DST: variants seen among roughly 807,000 people sequenced by gnomAD.
DST encodes bullous pemphigoid antigen.
DST carries 253 observed loss-of-function variants against 875.2 expected under a neutral mutation model. That is an observed-to-expected ratio of 0.29 (90% CI 0.26 to 0.32). The LOEUF (loss-of-function observed/expected upper bound fraction) is 0.32. Ranked by LOEUF, DST falls within the 10% of genes least tolerant of loss-of-function variation. DST has a pLI of 1.00. For synonymous variants in DST, 3,124 were observed against 3,197.1 expected (o/e 0.98, Z 0.77); for missense variants, 8,287 against 9,111.6 (o/e 0.91, Z 3.68).
intron 75 of DST, 131 bp from the exon 76 acceptor site, chr6:56,506,920 T>A: frequency 1.0e-6 from 1 of 980,806 alleles, no homozygotes. Flanking sequence ...TTTCTAAGTT[T>A]CTGCAATAAA....
chr6:56,847,926 C>T (rs1591632001), intron 4 of DST, among the ~76,000 whole-genome samples: 1 of 152,110 alleles, frequency 6.6e-6, no homozygotes, highest in African/African-American at 2.4e-5. Context: ...AATGAGGGCA[C>T]CATACTGCAA....
chr6:56,572,702 T>C, intron 52 of DST, 45 bp downstream of exon 52: 1 of 1,433,698 alleles, frequency 7.0e-7, no homozygotes, highest in Non-Finnish European at 9.4e-7. Context: ...TTGCCCTAAC[T>C]ATTAATCTAT....
intron 4 of DST, among the ~76,000 whole-genome samples, chr6:56,745,749 TAAG>T (rs1212384335): frequency 3.3e-5 from 5 of 152,164 alleles, no homozygotes; most frequent in Non-Finnish European, 5.9e-5. Context: ...TATTAATTAG[TAAG>T]AAGGACAGCT....
intron 2 of DST, among the ~76,000 whole-genome samples, chr6:56,912,777 T>C (rs1799318707): frequency 6.6e-6 from 1 of 152,208 alleles, no homozygotes; most frequent in Non-Finnish European, 1.5e-5. Flanking sequence ...AGGGCCAGGA[T>C]TGTGTGCATG....
intron 4 of DST, among the ~76,000 whole-genome samples, chr6:56,748,447 T>C (rs1242826038): frequency 1.3e-5 from 2 of 152,186 alleles, no homozygotes; most frequent in East Asian, 3.8e-4. Context: ...TAAAACAGAA[T>C]CATAGGTATT....
At chr6:56,661,539 G>C (rs144530715) in intron 10 of DST, among the ~76,000 whole-genome samples, 1 of 151,972 alleles carries the variant, frequency 6.6e-6, no homozygotes, top group South Asian at 2.1e-4. Context: ...AAATCTCTAG[G>C]AGAGTGATAG....
At chr6:56,503,201 A>G (rs1047813811) in intron 78 of DST, among the ~76,000 whole-genome samples, 8 of 152,128 alleles carry the variant, frequency 5.3e-5, no homozygotes, top group Admixed American at 1.3e-4. Flanking sequence ...GAAAGAATGA[A>G]TAAGACCCTG....
intron 49 of DST, among the ~76,000 whole-genome samples, chr6:56,583,478 T>A (rs1429034482): frequency 2.6e-5 from 4 of 152,208 alleles, no homozygotes; most frequent in Admixed American, 1.3e-4. Flanking sequence ...TGGAGTTCAT[T>A]GTAGATTCTG....
intron 10 of DST, among the ~76,000 whole-genome samples, chr6:56,659,220 T>C (rs1050340181): frequency 2.0e-5 from 3 of 152,086 alleles, no homozygotes; most frequent in Non-Finnish European, 4.4e-5. Flanking sequence ...TCAGGAGATA[T>C]TGAGAAAGTC....
chr6:56,668,122 T>C (rs1425167118), intron 10 of DST, among the ~76,000 whole-genome samples: 1 of 152,154 alleles, frequency 6.6e-6, no homozygotes, highest in Non-Finnish European at 1.5e-5. Flanking sequence ...CCCTCAAAGA[T>C]GCACTGTTAC....
intron 43 of DST, 76 bp downstream of exon 43, chr6:56,602,806 T>A: frequency 8.7e-7 from 1 of 1,148,310 alleles, no homozygotes; most frequent in Non-Finnish European, 1.2e-6. Context: ...AGCAAAGTCA[T>A]ATTTTCTAAA....
chr6:56,604,422 T>A lies in DST; in HGVS notation c.10206A>T (p.Ala3402=). ...TTTGAGAGTCGCTGGGCACAGTAGA[T>A]GCCTCATTTACCAACTGTGATGTGG... ...RITTSQLVNE[A]STVPSDSQMS... The change falls in exon 40 of 104, where the codon GCA becomes GCT. Residue 3402 remains alanine, a synonymous_variant. Transcript: ENST00000680361. The A allele has an allele frequency of 6.2e-7, 1 of 1,609,966 alleles. No individual in the cohort carries two copies. Among genetic ancestry groups the A allele is most frequent in the Non-Finnish European group, 8.5e-7 (1 of 1,177,652 alleles).
intron 35 of DST, 67 bp downstream of exon 35, chr6:56,625,090 T>C: frequency 8.7e-7 from 1 of 1,143,614 alleles, no homozygotes; most frequent in Non-Finnish European, 1.3e-6. Context: ...CAACAAAAAA[T>C]AAAATTTAAA....
chr6:56,608,971 G>A lies in DST; in HGVS notation c.5657C>T (p.Ala1886Val), dbSNP rs1293881319. 1.2e-6 allele frequency: 2 copies of A among 1,613,852 alleles called. No individual in the cohort carries two copies. Among genetic ancestry groups the A allele is most frequent in the Non-Finnish European group, 1.7e-6 (2 of 1,179,808 alleles). ...CTGTAGGGTCAACTGTTCTCCTGTG[G>A]CTGGAATAACCAGAGAGCCTGTAGA... ...LLSTGSLVIP[A>V]TGEQLTLQKA... The change falls in exon 40 of 104, where the codon GCC becomes GTC. Residue 1886 changes from alanine (A) to valine (V), a missense_variant. This residue lies in a region of DST where 3,138 missense variants were observed against 3,116.6 expected (regional missense o/e 1.01). Transcript: ENST00000680361.
At chr6:56,720,349 CTT>C (rs386407172) in intron 5 of DST, among the ~76,000 whole-genome samples, 8 of 130,188 alleles carry the variant, frequency 6.1e-5, no homozygotes, top group Admixed American at 1.5e-4. Flanking sequence ...TTATCCTGTT[CTT>C]TTTTTTTTTT....
intron 4 of DST, among the ~76,000 whole-genome samples, chr6:56,751,780 C>T (rs1017970243): frequency 1.3e-5 from 2 of 152,146 alleles, no homozygotes; most frequent in Non-Finnish European, 2.9e-5. Context: ...AATTTCAAGA[C>T]TCCTAAAGCC....
intron 4 of DST, among the ~76,000 whole-genome samples, chr6:56,751,453 C>CAATTATT (rs2099586753): frequency 6.7e-6 from 1 of 148,964 alleles, no homozygotes; most frequent in Admixed American, 6.6e-5. Flanking sequence ...TATTTTTTAA[C>CAATTATT]AATTATTTTT....
intron 10 of DST, among the ~76,000 whole-genome samples, chr6:56,658,495 G>T (rs2099022069): frequency 6.6e-6 from 1 of 152,156 alleles, no homozygotes; most frequent in African/African-American, 2.4e-5. Flanking sequence ...AAGGTTCAAA[G>T]AACTCAACTG....
intron 3 of DST, among the ~76,000 whole-genome samples, chr6:56,884,528 C>T (rs937255058): frequency 2.0e-5 from 3 of 152,090 alleles, no homozygotes; most frequent in Non-Finnish European, 4.4e-5. Context: ...GTGGTTGTCT[C>T]TCATGTATTA....
Sources: gnomAD v4.1 joint callset for allele counts (sites outside exome capture counted in the v4.1 genomes callset) on GRCh38, gnomAD v4.1.1 for gene constraint, gnomAD v4.1.1 regional missense constraint, MANE v1.5 for transcripts, NCBI Gene and HGNC (gene_info 2026-07-23, HGNC 2026-07-21) for gene names.